SRCIN1: variants seen among roughly 807,000 people sequenced by gnomAD.
The protein encoded by SRCIN1 is P130Cas-associated protein.
In SRCIN1, 50 loss-of-function variants were observed where a neutral mutation model predicts 116.2. The ratio of observed to expected loss-of-function variants is 0.43; its 90% CI spans 0.34 to 0.54. The LOEUF (loss-of-function observed/expected upper bound fraction) is 0.54, where lower values mean the gene tolerates loss of function less well. SRCIN1 is among the 20% of genes least tolerant of loss of function. The pLI is 0.02. For synonymous variants in SRCIN1, 736 were observed against 750.0 expected (o/e 0.98, Z 0.30); for missense variants, 1,446 against 1,672.0 (o/e 0.86, Z 2.36).
At chr17:38,534,010 G>GCGCTGCC (rs1196866915) in intron 18 of SRCIN1, among the ~76,000 whole-genome samples, 1 of 152,142 alleles carries the variant, frequency 6.6e-6, no homozygotes, top group African/African-American at 2.4e-5. Context: ...TGAGAAGAAG[G>GCGCTGCC]CGCTGCCGCA....
intron 17 of SRCIN1, chr17:38,547,635 G>T (rs535580624): frequency 9.7e-4 from 229 of 236,012 alleles, no homozygotes; most frequent in South Asian, 8.4e-3. Flanking sequence ...GGCAGTGGCT[G>T]TGGCCATGGT....
Position 38,585,780 on chromosome 17 carries a change from C to A in SRCIN1, c.23-6989G>T, listed in dbSNP as rs1406472344. On this transcript the variant is annotated intron_variant, in intron 1 of 18. Transcript: ENST00000617146. The surrounding 1 kb of genome is among the most constrained non-coding windows in gnomAD (Gnocchi z 4.2). Reference sequence around the variant, plus strand: ...ATCCCCCCAAATTGCTAATACCCAGCGCCCTGTTGAGTCTCCCTGTCACTC... The same window carrying A: ...ATCCCCCCAAATTGCTAATACCCAGAGCCCTGTTGAGTCTCCCTGTCACTC... Among the ~76,000 whole-genome samples, 1 of 152,188 alleles carries A rather than the reference C, an allele frequency of 6.6e-6. No individual in the cohort carries two copies. The highest frequency in any genetic ancestry group is 6.5e-5 in the Admixed American group (1 of 15,282).
chr17:38,591,668 C>T (rs1457464312), intron 1 of SRCIN1, among the ~76,000 whole-genome samples: 1 of 152,220 alleles, frequency 6.6e-6, no homozygotes, highest in African/African-American at 2.4e-5. Context: ...AACGCTCAGG[C>T]CTCCCCCAGC....
chr17:38,534,799 A>C (rs1279909583), intron 18 of SRCIN1, among the ~76,000 whole-genome samples: 1 of 152,122 alleles, frequency 6.6e-6, no homozygotes, highest in African/African-American at 2.4e-5. Context: ...TGCTCACTAC[A>C]GTGTAGTTTG....
In SRCIN1 at chr17:38,563,502, G is replaced by T; in HGVS notation, c.561C>A (p.Phe187Leu). ...TGTGCACGCGCCGAGTCTCCTCCCC[G>T]AACTGCAGGAACAGCACCCCTGCGA... ...LRSPGVLFLQFGEETRRVHIT... is the reference protein window; with the variant it reads ...LRSPGVLFLQLGEETRRVHIT... Residue 187 changes from phenylalanine (F) to leucine (L), a missense_variant, in exon 5 of 19, where the codon TTC becomes TTA. Phe to Leu is a conservative substitution (Grantham distance 22, BLOSUM62 0). Around this residue, in one of 5 missense-constraint regions of SRCIN1, gnomAD observed 246 missense variants for 265.1 expected, o/e 0.93. Coordinates refer to ENST00000617146, the MANE Select transcript of SRCIN1 (RefSeq NM_025248.3). The surrounding 1 kb of genome is among the most constrained non-coding windows in gnomAD (Gnocchi z 5.8). 6.4e-7 allele frequency: 1 copy of T among 1,551,302 alleles called. No individual in the cohort carries two copies. The highest frequency in any genetic ancestry group is 8.7e-7 in the Non-Finnish European group (1 of 1,147,550).
At chr17:38,559,254 C>G (rs1597900853) in intron 10 of SRCIN1, 1 of 459,972 alleles carries the variant, frequency 2.2e-6, no homozygotes, top group East Asian at 4.1e-5. Flanking sequence ...TGGAACTGCC[C>G]CGAGGGATAC....
chr17:38,561,899 C>CCGGGTAGGCGAA lies in SRCIN1; in HGVS notation c.1252_1263dup (p.Phe418_Pro421dup). 1 of 1,442,582 alleles carries CCGGGTAGGCGAA rather than the reference C, an allele frequency of 6.9e-7. No individual in the cohort carries two copies. Among genetic ancestry groups the CCGGGTAGGCGAA allele is most frequent in the East Asian group, 2.9e-5 (1 of 34,994 alleles). 89.4% of individuals were successfully genotyped at this position (1,442,582 alleles called of 1,614,324 possible). On this transcript the variant is annotated inframe_insertion, in exon 7 of 19. Transcript: ENST00000617146. ...CCGCGCTTGTAGAGGCCGCCGGCGC[C>CCGGGTAGGCGAA]CGGGTAGGCGAACGGGTCGCCGGCG...
At chr17:38,559,219 A>C in intron 10 of SRCIN1, 1 of 308,820 alleles carries the variant, frequency 3.2e-6, no homozygotes, top group Non-Finnish European at 6.0e-6. Flanking sequence ...TGACTCAGGG[A>C]AAGGGATGCA....
intron 18 of SRCIN1, among the ~76,000 whole-genome samples, chr17:38,536,486 C>T (rs78214461): frequency 2.0e-5 from 3 of 152,262 alleles, no homozygotes; most frequent in South Asian, 2.1e-4. Context: ...GAGGGCACCA[C>T]CCTGCACACC....
At chr17:38,601,829 G>T (rs1311309554) in intron 1 of SRCIN1, among the ~76,000 whole-genome samples, 4 of 152,116 alleles carry the variant, frequency 2.6e-5, no homozygotes, top group Non-Finnish European at 5.9e-5. Context: ...TCGAAAGCAG[G>T]GCCAGAGCTG....
At position 38,531,263 on chromosome 17, in the gene SRCIN1, A is replaced by AG. The variant is rs989072902; in HGVS notation, c.*2033dup. On this transcript the variant is annotated 3_prime_UTR_variant, in exon 19 of 19. Coordinates refer to ENST00000617146, the MANE Select transcript of SRCIN1 (RefSeq NM_025248.3). ...CCACTCCCCCCTCCCCTCCCAAGTCAGGGGGTCTCTGTACAGCCAAATCAA... is the reference window on the plus strand; with the variant it reads ...CCACTCCCCCCTCCCCTCCCAAGTCAGGGGGGTCTCTGTACAGCCAAATCAA... 1 of 152,140 alleles carries AG rather than the reference A, an allele frequency of 6.6e-6. No individual in the cohort carries two copies. Among genetic ancestry groups the AG allele is most frequent in the African/African-American group, 2.4e-5 (1 of 41,352 alleles). The allele number at this position is 152,140 out of a possible 1,614,324, so 9.4% of individuals were successfully genotyped here.
At chr17:38,554,987 G>A (rs1230557803) in intron 11 of SRCIN1, among the ~76,000 whole-genome samples, 1 of 152,192 alleles carries the variant, frequency 6.6e-6, no homozygotes, top group Admixed American at 6.5e-5. Flanking sequence ...CAGGTGAAAA[G>A]ACAGACTGGG....
chr17:38,584,301 G>T (rs562317808), intron 1 of SRCIN1, among the ~76,000 whole-genome samples: 4 of 152,334 alleles, frequency 2.6e-5, no homozygotes, highest in Admixed American at 2.6e-4. Flanking sequence ...GGGGCTCAGG[G>T]CTTCTCTTTT....
chr17:38,536,405 G>T (rs1291290664), intron 18 of SRCIN1, among the ~76,000 whole-genome samples: 1 of 152,212 alleles, frequency 6.6e-6, no homozygotes, highest in Non-Finnish European at 1.5e-5. Context: ...TGTTACCTTC[G>T]TGGCAAGGCA....
In SRCIN1 at chr17:38,544,047, G is replaced by A; in HGVS notation, c.3271-78C>T. On this transcript the variant is annotated intron_variant, in intron 17 of 18. Coordinates refer to ENST00000617146, the MANE Select transcript of SRCIN1 (RefSeq NM_025248.3). This position sits in a 1 kb window ranked among gnomAD's most constrained non-coding sequence, Gnocchi z 4.5. ...CACAGGAACCCTAGCACTGGGTGGG[G>A]TCTCGGGGCTGGGACCTCCTCAGTG... The A allele has an allele frequency of 6.8e-7, 1 of 1,472,790 alleles. No homozygotes were observed. Among genetic ancestry groups the A allele is most frequent in the Non-Finnish European group, 9.0e-7 (1 of 1,107,458 alleles). 91.2% of individuals were successfully genotyped at this position (1,472,790 alleles called of 1,614,324 possible).
chr17:38,538,892 T>C lies in SRCIN1; in HGVS notation c.3417+4931A>G, dbSNP rs9910568. ...AATCGCATATCTCTCTGTGCCTTCA[T>C]GTCCTCACCTGCAAACGGATAACAG... On this transcript the variant is annotated intron_variant, in intron 18 of 18. Coordinates refer to ENST00000617146, the MANE Select transcript of SRCIN1 (RefSeq NM_025248.3). Among the ~76,000 whole-genome samples the C allele has an allele frequency of 3.1e-3, 475 of 152,022 alleles. 2 individuals carry two copies. The highest frequency in any genetic ancestry group is 0.011 in the African/African-American group (463 of 41,294).
At chr17:38,571,015 T>G (rs1010118529) in intron 2 of SRCIN1, among the ~76,000 whole-genome samples, 2 of 152,320 alleles carry the variant, frequency 1.3e-5, no homozygotes, top group Non-Finnish European at 2.9e-5. Context: ...ATGATCCTCT[T>G]TCATGTTGAC....
chr17:38,561,654 C>T lies in SRCIN1; in HGVS notation c.1509G>A (p.Ser503=). ...SPYSGPPSRG[S]PVRQSFRKDS... ...CCTTGCGGAAGGACTGGCGCACTGG[C>T]GAGCCGCGGCTGGGCGGCCCCGAGT... The change falls in exon 7 of 19, where the codon TCG becomes TCA. Residue 503 remains serine (S), a synonymous_variant. Coordinates refer to ENST00000617146, the MANE Select transcript of SRCIN1 (RefSeq NM_025248.3). 5 of 1,560,774 alleles carry T rather than the reference C, an allele frequency of 3.2e-6. No homozygotes were observed. The highest frequency in any genetic ancestry group is 1.7e-4 in the Middle Eastern group (1 of 5,772).
chr17:38,553,196 G>A (rs1429733676), intron 11 of SRCIN1, among the ~76,000 whole-genome samples: 1 of 152,222 alleles, frequency 6.6e-6, no homozygotes. Flanking sequence ...GGTTGAGGCT[G>A]CAGTGAGCCG....
Sources: allele counts gnomAD v4.1 joint callset (sites outside exome capture counted in the v4.1 genomes callset), GRCh38; gene constraint gnomAD v4.1.1; regional missense constraint gnomAD v4.1.1; non-coding constraint Gnocchi (gnomAD v3.1); transcripts MANE v1.5; gene names NCBI Gene and HGNC (gene_info 2026-07-23, HGNC 2026-07-21).